The following COX10 variants were observed in gnomAD, a reference collection of about 807,000 sequenced individuals.
COX10 encodes the protein cytochrome c oxidase assembly factor heme A:farnesyltransferase COX10.
A neutral mutation model predicts 37.3 loss-of-function variants in COX10; 27 were observed. That is an observed-to-expected ratio of 0.72 (90% CI 0.53 to 1.00). The LOEUF (loss-of-function observed/expected upper bound fraction) is 1.00, where lower values mean the gene tolerates loss of function less well. COX10 is among the 50% of genes least tolerant of loss of function. The probability of loss-of-function intolerance (pLI) is 0.00; values close to 1 mark genes in which losing one functional copy is unlikely to be tolerated. For synonymous variants in COX10, 222 were observed against 229.1 expected, an observed-to-expected ratio of 0.97 and a Z score of 0.28; for missense variants, 475 against 563.2, an observed-to-expected ratio of 0.84 and a Z score of 1.59.
chr17:14,170,514 G>A (rs1905429834), intron 5 of COX10, among the ~76,000 whole-genome samples: 1 of 152,182 alleles, frequency 6.6e-6, no homozygotes, highest in Non-Finnish European at 1.5e-5. Context: ...GTGTGAAGAA[G>A]AATCTTAATT....
At chr17:14,092,280 G>T (rs1915545240) in intron 3 of COX10, among the ~76,000 whole-genome samples, 1 of 152,008 alleles carries the variant, frequency 6.6e-6, no homozygotes, top group African/African-American at 2.4e-5. Context: ...CTGGTGAACT[G>T]CCTTGGTGAC....
chr17:14,094,801 C>T (rs191042446), intron 3 of COX10, among the ~76,000 whole-genome samples: 3 of 152,342 alleles, frequency 2.0e-5, no homozygotes, highest in African/African-American at 7.2e-5. Flanking sequence ...TCCAAGAGCA[C>T]TGCTTATTAA....
intron 3 of COX10, among the ~76,000 whole-genome samples, chr17:14,100,123 ACT>A (rs1019128174): frequency 2.6e-5 from 4 of 151,814 alleles, no homozygotes; most frequent in African/African-American, 9.7e-5. Context: ...TCTCTGGAAA[ACT>A]CTCTGCCTCT....
At chr17:14,183,096 A>G (rs1162405037) in intron 5 of COX10, among the ~76,000 whole-genome samples, 2 of 148,788 alleles carry the variant, frequency 1.3e-5, no homozygotes, top group Non-Finnish European at 3.0e-5. Flanking sequence ...CCCACTCTCA[A>G]TCCATCAGTT....
At position 14,107,156 on chromosome 17, in the gene COX10, C is replaced by T. The variant is rs1915911441; in HGVS notation, c.624+4914C>T. Among the ~76,000 whole-genome samples the T allele has an allele frequency of 2.0e-5, 3 of 152,008 alleles. No individual in the cohort carries two copies. The South Asian group carries it at 6.3e-4, about 32-fold the overall frequency. ...AGCTGAAAAGTGTCTTCAGACATCACCAAATGGTCCCTGGGGCCCCAAATC... is the reference window on the plus strand; with the variant it reads ...AGCTGAAAAGTGTCTTCAGACATCATCAAATGGTCCCTGGGGCCCCAAATC... On this transcript the variant is annotated intron_variant, in intron 4 of 6. Transcript: ENST00000261643.
chr17:14,170,939 T>C (rs1331934258), intron 5 of COX10, among the ~76,000 whole-genome samples: 1 of 152,122 alleles, frequency 6.6e-6, no homozygotes, highest in Non-Finnish European at 1.5e-5. Flanking sequence ...TGTAGAGAAA[T>C]ATAGAGTTGT....
At chr17:14,196,912 TG>T (rs1906384860) in intron 6 of COX10, among the ~76,000 whole-genome samples, 1 of 152,076 alleles carries the variant, frequency 6.6e-6, no homozygotes. Flanking sequence ...AGCGGGGAAA[TG>T]GATGAAGGAT....
At chr17:14,107,365 G>A (rs1024661735) in intron 4 of COX10, among the ~76,000 whole-genome samples, 9 of 152,068 alleles carry the variant, frequency 5.9e-5, no homozygotes, top group East Asian at 1.9e-4. Flanking sequence ...TGTTCATGGC[G>A]TAATTACTAT....
At chr17:14,140,410 C>A (rs534126615) in intron 4 of COX10, among the ~76,000 whole-genome samples, 3 of 152,110 alleles carry the variant, frequency 2.0e-5, no homozygotes, top group African/African-American at 4.8e-5. Flanking sequence ...TTTAATCATT[C>A]CTTTAGTATT....
chr17:14,176,997 TA>T (rs1905712522), intron 5 of COX10: 1 of 362,668 alleles, frequency 2.8e-6, no homozygotes. Context: ...AAAATGTTTA[TA>T]GCTAAAATGC....
chr17:14,120,911 G>A (rs9890225), intron 4 of COX10, among the ~76,000 whole-genome samples: 75,633 of 151,922 alleles, frequency 0.5, 19,014 homozygotes, highest in Admixed American at 0.53. Context: ...TGGAGAACCT[G>A]CATCTTTGTA....
At chr17:14,098,117 T>C (rs955308288) in intron 3 of COX10, among the ~76,000 whole-genome samples, 6 of 152,320 alleles carry the variant, frequency 3.9e-5, no homozygotes, top group Non-Finnish European at 7.4e-5. Flanking sequence ...TAACTGTTTA[T>C]CGAGAATGTT....
intron 3 of COX10, among the ~76,000 whole-genome samples, chr17:14,081,193 G>T (rs1227594447): frequency 6.6e-6 from 1 of 152,162 alleles, no homozygotes; most frequent in African/African-American, 2.4e-5. Flanking sequence ...ACTGTCTGGC[G>T]TTTACAGAAA....
chr17:14,117,563 A>G (rs936560941), intron 4 of COX10, among the ~76,000 whole-genome samples: 12 of 152,150 alleles, frequency 7.9e-5, no homozygotes, highest in African/African-American at 2.9e-4. Flanking sequence ...AGGGCGTGTG[A>G]CAGGGGTGTG....
chr17:14,091,271 C>T (rs1442560760), intron 3 of COX10, among the ~76,000 whole-genome samples: 7 of 152,184 alleles, frequency 4.6e-5, no homozygotes, highest in Non-Finnish European at 7.3e-5. Flanking sequence ...TTTGTGAAAA[C>T]TGTACCAGTG....
At chr17:14,074,733 G>C (rs1440516870) in intron 2 of COX10, among the ~76,000 whole-genome samples, 1 of 152,170 alleles carries the variant, frequency 6.6e-6, no homozygotes, top group Non-Finnish European at 1.5e-5. Context: ...GGCCAAAATT[G>C]GGAAAAGCTG....
At position 14,206,985 on chromosome 17, in the gene COX10, C is replaced by CGCA; in HGVS notation, c.1110_1112dup (p.Ala371dup). On this transcript the variant is annotated inframe_insertion, in exon 7 of 7. Transcript: ENST00000261643. Reference sequence around the variant, plus strand: ...ACTGCCTGGCCCTGCTCGTGCTGTCCGCAGCAGCCCCTGTGCTGGACATCA... The same window carrying CGCA: ...ACTGCCTGGCCCTGCTCGTGCTGTCCGCAGCAGCAGCCCCTGTGCTGGACATCA... 6.2e-7 allele frequency: 1 copy of CGCA among 1,614,070 alleles called. No individual in the cohort carries two copies. Among genetic ancestry groups the CGCA allele is most frequent in the Non-Finnish European group, 8.5e-7 (1 of 1,179,926 alleles).
At chr17:14,145,543 A>C (rs1181374359) in intron 4 of COX10, among the ~76,000 whole-genome samples, 6 of 152,164 alleles carry the variant, frequency 3.9e-5, no homozygotes, top group African/African-American at 9.7e-5. Flanking sequence ...CTTAGAGTAC[A>C]GCATGAAAGA....
At chr17:14,158,579 T>C (rs886616321) in intron 4 of COX10, among the ~76,000 whole-genome samples, 2 of 152,048 alleles carry the variant, frequency 1.3e-5, no homozygotes, top group African/African-American at 4.8e-5. Flanking sequence ...AAGTAAGAAA[T>C]GATCCCTGCC....
Sources: gnomAD v4.1 joint callset for allele counts (sites outside exome capture counted in the v4.1 genomes callset) on GRCh38, gnomAD v4.1.1 for gene constraint, MANE v1.5 for transcripts, NCBI Gene and HGNC (gene_info 2026-07-23, HGNC 2026-07-21) for gene names.